Variants in MELTF observed in about 807,000 individuals in gnomAD.
MELTF encodes the protein melanotransferrin, also known as antigen p97 (melanoma associated) identified by monoclonal antibodies 133.2 and 96.5.
A neutral mutation model predicts 83.7 loss-of-function variants in MELTF; 67 were observed. The observed-to-expected ratio is 0.80, with a 90% CI of 0.66 to 0.98. The LOEUF is 0.98. MELTF is among the 50% of genes least tolerant of loss of function. The pLI is 0.00. For synonymous variants in MELTF, 462 were observed against 447.6 expected (o/e 1.03, Z -0.41); for missense variants, 1,002 against 1,035.6 (o/e 0.97, Z 0.44).
rs1023378695 is a variant in MELTF, at chr3:197,011,040, G to A, written c.1234-246C>T. On this transcript the variant is annotated intron_variant, in intron 9 of 15. Transcript: ENST00000296350. This position sits in a 1 kb window ranked among gnomAD's most constrained non-coding sequence, Gnocchi z 4.2. ...AGAAACACCCACGCAGCACTCCTGC[G>A]CGTGGCCACCCAGGGTCCCCTGTGT... Among the ~76,000 whole-genome samples the A allele has an allele frequency of 1.2e-4, 19 of 152,278 alleles. No homozygotes were observed. The highest frequency in any genetic ancestry group is 3.9e-4 in the East Asian group (2 of 5,170).
At chr3:197,017,069 A>C (rs748461027) in intron 7 of MELTF, 34 bp downstream of exon 7, 1 of 1,600,348 alleles carries the variant, frequency 6.2e-7, no homozygotes, top group Non-Finnish European at 8.5e-7. Context: ...CCATCTAGGA[A>C]GCTGTGCAGG....
rs750975208 is a variant in MELTF at position 197,008,172 on chromosome 3, G to A, written c.1750+485C>T. Reference sequence around the variant, plus strand: ...GCGGAGCCCAGGAAGGTGACTCCAGGAAGAAAACCCCCTGTGTGGTATGTT... The same window carrying A: ...GCGGAGCCCAGGAAGGTGACTCCAGAAAGAAAACCCCCTGTGTGGTATGTT... On this transcript the variant is annotated intron_variant, in intron 13 of 15. Coordinates refer to ENST00000296350, the MANE Select transcript of MELTF (RefSeq NM_005929.6). The surrounding 1 kb of genome is among the most constrained non-coding windows in gnomAD (Gnocchi z 5.4). Among the ~76,000 whole-genome samples the A allele has an allele frequency of 6.6e-6, 1 of 152,196 alleles. No homozygotes were observed. Among genetic ancestry groups the A allele is most frequent in the Non-Finnish European group, 1.5e-5 (1 of 68,036 alleles).
Position 197,024,362 on chromosome 3 carries a change from G to A in MELTF, c.428C>T (p.Pro143Leu), listed in dbSNP as rs1183205546. The A allele has an allele frequency of 6.2e-7, 1 of 1,603,498 alleles. No homozygotes were observed. The highest frequency in any genetic ancestry group is 1.1e-5 in the South Asian group (1 of 90,662). Residue 143 changes from proline (P) to leucine (L), a missense_variant, in exon 4 of 16, where the codon CCC becomes CTC. Pro to Leu is a moderately conservative substitution (Grantham distance 98). Coordinates refer to ENST00000296350, the MANE Select transcript of MELTF (RefSeq NM_005929.6). The surrounding 1 kb of genome is among the most constrained non-coding windows in gnomAD (Gnocchi z 5.3). Reference sequence around the variant, plus strand: ...GCCGCTCTCCACCAGGTAGCCCACGGGCACGTTCCAGCCCACTGTGCGATT... The same window carrying A: ...GCCGCTCTCCACCAGGTAGCCCACGAGCACGTTCCAGCCCACTGTGCGATT... ...GINRTVGWNV[P>L]VGYLVESGRL...
rs117090073 is a variant in MELTF at position 197,004,055 on chromosome 3, G to A, written c.1983C>T (p.Phe661=). The A allele has an allele frequency of 4.4e-4, 714 of 1,614,134 alleles. 6 individuals are homozygous for A. In the East Asian group the frequency reaches 0.014, roughly 32 times the overall value. The change falls in exon 15 of 16, where the codon TTC becomes TTT. Residue 661 remains phenylalanine (F), a synonymous_variant. Coordinates refer to ENST00000296350, the MANE Select transcript of MELTF (RefSeq NM_005929.6). ...CTTGGCCATGATAGTTGGAGGAGTCGAACATTTTGAACCCGTTCTTATTGT... is the reference window on the plus strand; with the variant it reads ...CTTGGCCATGATAGTTGGAGGAGTCAAACATTTTGAACCCGTTCTTATTGT... ...DDHNKNGFKM[F]DSSNYHGQDL... is the part of the protein sequence containing the mutation.
chr3:197,027,740 A>AAGGG lies in MELTF; in HGVS notation c.204+12_204+15dup. ...ACAGCCCTCTTGTCTGGCAGGGTGG[A>AAGGG]AGGGAGAGGACTCACCGCGATGAGC... On this transcript the variant is annotated intron_variant, in intron 2 of 15. Coordinates refer to ENST00000296350, the MANE Select transcript of MELTF (RefSeq NM_005929.6). The AAGGG allele has an allele frequency of 6.3e-7, 1 of 1,594,074 alleles. No homozygotes were observed. Among genetic ancestry groups the AAGGG allele is most frequent in the Non-Finnish European group, 8.6e-7 (1 of 1,166,270 alleles).
At chr3:197,009,840 G>A (rs750426121) in intron 10 of MELTF, 28 bp from the exon 11 acceptor site, 1 of 1,595,094 alleles carries the variant, frequency 6.3e-7, no homozygotes, top group Admixed American at 1.7e-5. Context: ...CACGTGAGGG[G>A]CCCCTCATCT....
At chr3:197,010,450 C>T (rs758568500) in intron 10 of MELTF, among the ~76,000 whole-genome samples, 3 of 152,330 alleles carry the variant, frequency 2.0e-5, no homozygotes, top group South Asian at 2.1e-4. Flanking sequence ...GACTGTCTGT[C>T]GTCTGCAAAG....
rs771368894 is a variant in MELTF, at chr3:197,024,479, C to T, written c.311G>A (p.Gly104Asp). 21 of 1,578,932 alleles carry T rather than the reference C, an allele frequency of 1.3e-5. No individual in the cohort carries two copies. In the East Asian group the frequency reaches 4.5e-4, roughly 34 times the overall value. The change falls in exon 4 of 16, where the codon GGT (glycine) becomes GAT (aspartate). Residue 104 changes from glycine to aspartate, a missense_variant. Coordinates refer to ENST00000296350, the MANE Select transcript of MELTF (RefSeq NM_005929.6). The surrounding 1 kb of genome is among the most constrained non-coding windows in gnomAD (Gnocchi z 5.3). ...VVGEVYDQEV[G>D]TSYYAVAVVR... Reference sequence around the variant, plus strand: ...CACAGCCACGGCGTAATAGGAGGTACCGACCTCTAGGAGGGGAGGGGAGTG... The same window carrying T: ...CACAGCCACGGCGTAATAGGAGGTATCGACCTCTAGGAGGGGAGGGGAGTG...
chr3:197,025,456 CTA>C (rs1428274363), intron 3 of MELTF: 1 of 152,324 alleles, frequency 6.6e-6, no homozygotes, highest in African/African-American at 2.4e-5. Context: ...CCTGCCTGCT[CTA>C]TTTCAGTGGA....
rs1719746055 is a variant in MELTF, at chr3:197,024,113, G to A, written c.487+190C>T. The stretch of plus-strand genomic sequence containing the variant: ...CGCCCCACAGGGTCCAAGCAAGCAG[G>A]AAGTCAAGCGGCGGCGCCGGCGGCA... On this transcript the variant is annotated intron_variant, in intron 4 of 15. Transcript: ENST00000296350. This position sits in a 1 kb window ranked among gnomAD's most constrained non-coding sequence, Gnocchi z 5.3. Among the ~76,000 whole-genome samples, 1 of 144,718 alleles carries A rather than the reference G, an allele frequency of 6.9e-6. No homozygotes were observed. Among genetic ancestry groups the A allele is most frequent in the Admixed American group, 6.8e-5 (1 of 14,622 alleles). The allele number at this position is 144,718 out of a possible 152,430, so 94.9% of individuals were successfully genotyped here. A position where few individuals can be genotyped will look rare whatever the true frequency, so the allele number is the denominator to read the frequency against.
Position 197,026,754 on chromosome 3 carries a change from C to T in MELTF, c.210G>A (p.Gln70=). Reference sequence around the variant, plus strand: ...CATCCAGAGTGATGGCGTCAGCCTCCTGGGCCTGCAAGGAAATGTGGCTCA... The same window carrying T: ...CATCCAGAGTGATGGCGTCAGCCTCTTGGGCCTGCAAGGAAATGTGGCTCA... ...ADHCVQLIAA[Q]EADAITLDGG... is the part of the protein sequence containing the mutation. The change falls in exon 3 of 16, where the codon CAG becomes CAA. Residue 70 remains glutamine (Q), a synonymous_variant. Coordinates refer to ENST00000296350, the MANE Select transcript of MELTF (RefSeq NM_005929.6). The T allele has an allele frequency of 1.2e-6, 2 of 1,612,048 alleles. No homozygotes were observed. Among genetic ancestry groups the T allele is most frequent in the Non-Finnish European group, 1.7e-6 (2 of 1,179,952 alleles).
intron 10 of MELTF, among the ~76,000 whole-genome samples, chr3:197,010,200 C>T (rs576011063): frequency 7.9e-5 from 12 of 152,320 alleles, no homozygotes; most frequent in Non-Finnish European, 1.3e-4. Context: ...TGGAAGGGAC[C>T]CAGGCCTCTG....
rs571627589 is a variant in MELTF at position 197,017,152 on chromosome 3, C to T, written c.851G>A (p.Arg284Gln). ...ARVPAHAVVV[R>Q]ADTDGGLIFR... ...GATGAGGCCCCCATCTGTGTCGGCCCGGACCACCACGGCGTGAGCAGGCAC... is the reference window on the plus strand; with the variant it reads ...GATGAGGCCCCCATCTGTGTCGGCCTGGACCACCACGGCGTGAGCAGGCAC... Residue 284 changes from arginine to glutamine, a missense_variant, in exon 7 of 16, where the codon CGG (arginine) becomes CAG (glutamine). Arg to Gln is a conservative substitution (Grantham distance 43). Coordinates refer to ENST00000296350, the MANE Select transcript of MELTF (RefSeq NM_005929.6). The T allele has an allele frequency of 1.6e-5, 25 of 1,611,748 alleles. No individual in the cohort carries two copies. The East Asian group carries it at 2.2e-4, about 14-fold the overall frequency.
chr3:197,024,123 G>A lies in MELTF; in HGVS notation c.487+180C>T, dbSNP rs915288575. On this transcript the variant is annotated intron_variant, in intron 4 of 15. Coordinates refer to ENST00000296350, the MANE Select transcript of MELTF (RefSeq NM_005929.6). This position sits in a 1 kb window ranked among gnomAD's most constrained non-coding sequence, Gnocchi z 5.3. ...GGTCCAAGCAAGCAGGAAGTCAAGC[G>A]GCGGCGCCGGCGGCAGAGTGGAGGC... 2.0e-4 allele frequency among the ~76,000 whole-genome samples: 30 copies of A among 151,818 alleles called. No individual in the cohort carries two copies. The highest frequency in any genetic ancestry group is 7.8e-4 in the East Asian group (4 of 5,136).
chr3:197,020,229 A>T (rs1719565323), intron 6 of MELTF, among the ~76,000 whole-genome samples: 1 of 152,246 alleles, frequency 6.6e-6, no homozygotes, highest in African/African-American at 2.4e-5. Context: ...GAAAGTAAAG[A>T]GATCTAACAA....
At position 197,023,208 on chromosome 3, in the gene MELTF, A is replaced by T. The variant is rs1719702103; in HGVS notation, c.488-95T>A. ...GCAGGGGGCCCGGGCTCTCATCTGG[A>T]CTCTGCTGAGAATGGTTCCACCTTC... On this transcript the variant is annotated intron_variant, in intron 4 of 15. Coordinates refer to ENST00000296350, the MANE Select transcript of MELTF (RefSeq NM_005929.6). 1.2e-5 allele frequency: 15 copies of T among 1,263,586 alleles called. No individual in the cohort carries two copies. In the South Asian group the frequency reaches 1.6e-4, roughly 14 times the overall value. The allele number at this position is 1,263,586 out of a possible 1,614,324, so 78.3% of individuals were successfully genotyped here.
chr3:197,024,173 G>A lies in MELTF; in HGVS notation c.487+130C>T. ...CGGGGGAGGCACGGGGCGGGCGGGG[G>A]CTGCTGCGCCTTCCAGGAATGAAGA... On this transcript the variant is annotated intron_variant, in intron 4 of 15. Coordinates refer to ENST00000296350, the MANE Select transcript of MELTF (RefSeq NM_005929.6). The surrounding 1 kb of genome is among the most constrained non-coding windows in gnomAD (Gnocchi z 5.3). 4.9e-6 allele frequency: 5 copies of A among 1,020,888 alleles called. No homozygotes were observed. The highest frequency in any genetic ancestry group is 7.0e-6 in the Non-Finnish European group (5 of 714,048). 63.2% of individuals were successfully genotyped at this position (1,020,888 alleles called of 1,614,324 possible).
Position 197,024,409 on chromosome 3 carries a change from C to T in MELTF, c.381G>A (p.Val127=), listed in dbSNP as rs1719766034. 2.5e-6 allele frequency: 4 copies of T among 1,610,794 alleles called. No individual in the cohort carries two copies. In the Admixed American group the frequency reaches 5.0e-5, roughly 20 times the overall value. Residue 127 remains valine (V), a synonymous_variant, in exon 4 of 16, where the codon GTG becomes GTA. Coordinates refer to ENST00000296350, the MANE Select transcript of MELTF (RefSeq NM_005929.6). The surrounding 1 kb of genome is among the most constrained non-coding windows in gnomAD (Gnocchi z 5.3). ...GATTGATGCCCGTGTGGCAGGACTT[C>T]ACGCCTTTCAGGGTGTCAATGGTCA... ...SHVTIDTLKG[V]KSCHTGINRT...
At chr3:197,028,177 C>T in intron 1 of MELTF, 2 of 443,282 alleles carry the variant, frequency 4.5e-6, no homozygotes, top group Non-Finnish European at 8.2e-6. Context: ...ATGGGAGGGT[C>T]TACAGGTCGC....
Sources: gnomAD v4.1 joint callset for allele counts (sites outside exome capture counted in the v4.1 genomes callset) on GRCh38, gnomAD v4.1.1 for gene constraint, Gnocchi (gnomAD v3.1) non-coding constraint, MANE v1.5 for transcripts, NCBI Gene and HGNC (gene_info 2026-07-23, HGNC 2026-07-21) for gene names.